IGSF22: variants seen among roughly 807,000 people sequenced by gnomAD.
IGSF22 encodes immunoglobulin superfamily, member 22.
A neutral mutation model predicts 127.0 loss-of-function variants in IGSF22; 119 were observed. That is an observed-to-expected ratio of 0.94 (90% CI 0.81 to 1.09). The LOEUF is 1.09. IGSF22 is among the 50% of genes least tolerant of loss of function. The pLI is 0.00. For synonymous variants in IGSF22, 568 were observed against 664.7 expected, an observed-to-expected ratio of 0.85 and a Z score of 2.24; for missense variants, 1,518 against 1,716.6, an observed-to-expected ratio of 0.88 and a Z score of 2.04.
chr11:18,723,168 T>G (rs1439408276), intron 2 of IGSF22, among the ~76,000 whole-genome samples: 3 of 152,236 alleles, frequency 2.0e-5, no homozygotes, highest in South Asian at 2.1e-4. Flanking sequence ...TCTACAGCTT[T>G]GGCTGCACAT....
At chr11:18,720,744 C>T (rs1023538819) in intron 4 of IGSF22, among the ~76,000 whole-genome samples, 2 of 152,196 alleles carry the variant, frequency 1.3e-5, no homozygotes, top group African/African-American at 4.8e-5. Flanking sequence ...GAAGCCAAGG[C>T]TCTCAGAAAG....
chr11:18,709,814 C>T lies in IGSF22; in HGVS notation c.2702-131G>A. 5.8e-6 allele frequency: 5 copies of T among 859,954 alleles called. No individual in the cohort carries two copies. The highest frequency in any genetic ancestry group is 2.5e-4 in the Middle Eastern group (1 of 4,042). The allele number at this position is 859,954 out of a possible 1,614,324, so 53.3% of individuals were successfully genotyped here. The stretch of plus-strand genomic sequence containing the variant: ...AGCTCCAGATCCCTCAGTTAACACC[C>T]TTAGTACCTAGCCTTATACACTCAA... On this transcript the variant is annotated intron_variant, in intron 17 of 22. Coordinates refer to ENST00000513874, the MANE Select transcript of IGSF22 (RefSeq NM_173588.4). The surrounding 1 kb of genome is among the most constrained non-coding windows in gnomAD (Gnocchi z 4.8).
rs537615289 is a variant in IGSF22, at chr11:18,708,249, C to T, written c.3045G>A (p.Val1015=). 3.4e-5 allele frequency: 53 copies of T among 1,549,168 alleles called. No homozygotes were observed. In the African/African-American group the frequency reaches 7.0e-4, roughly 20 times the overall value. The change falls in exon 19 of 23, where the codon GTG becomes GTA. Residue 1015 remains valine (V), a synonymous_variant. Coordinates refer to ENST00000513874, the MANE Select transcript of IGSF22 (RefSeq NM_173588.4). ...TGCAGAGGGCTGTCCCAGCGCGAAC[C>T]ACCATGTGACTCTTCAGCCGGGCAC... ...DLSARLKSHM[V]VRAGTALCIH... is the part of the protein sequence containing the mutation.
intron 14 of IGSF22, 148 bp from the exon 15 acceptor site, chr11:18,712,532 T>C (rs1029099866): frequency 1.4e-6 from 1 of 706,264 alleles, no homozygotes; most frequent in Non-Finnish European, 2.3e-6. Context: ...CCACCATCCC[T>C]CCTTCTAAGA....
At position 18,704,398 on chromosome 11, in the gene IGSF22, G is replaced by A; in HGVS notation, c.*70C>T. 2.0e-6 allele frequency: 2 copies of A among 1,004,034 alleles called. No homozygotes were observed. Among genetic ancestry groups the A allele is most frequent in the Non-Finnish European group, 3.1e-6 (2 of 649,342 alleles). 62.2% of individuals were successfully genotyped at this position (1,004,034 alleles called of 1,614,324 possible). A position where few individuals can be genotyped will look rare whatever the true frequency, so the allele number is the denominator to read the frequency against. ...AGAGCAAACTGGGCTTCCTACACTG[G>A]GCCATGCAGAGGACAGGCCAAGAAA... On this transcript the variant is annotated 3_prime_UTR_variant, in exon 23 of 23. Transcript: ENST00000513874.
At position 18,715,424 on chromosome 11, in the gene IGSF22, G is replaced by A; in HGVS notation, c.1531+8C>T. The A allele has an allele frequency of 6.2e-7, 1 of 1,603,462 alleles. No individual in the cohort carries two copies. ...TTGGTCAGTGGGGATTGATAGGGCG[G>A]GTGTTACCCTCCACAGTGACGATGG... is the stretch of plus-strand genomic sequence containing the variant. On this transcript the variant is annotated splice_region_variant and intron_variant, in intron 11 of 22. Coordinates refer to ENST00000513874, the MANE Select transcript of IGSF22 (RefSeq NM_173588.4).
chr11:18,710,781 C>A lies in IGSF22; in HGVS notation c.2446G>T (p.Glu816Ter), dbSNP rs756029624. Residue 816 changes from glutamate to a stop codon, truncating the protein, a stop_gained, in exon 16 of 23, where the codon GAA becomes TAA. Transcript: ENST00000513874. LOFTEE classifies it high-confidence loss of function. ...SQPQVTDVTKEAVTITWNAPT... is the reference protein window; with the variant it reads ...SQPQVTDVTK Reference sequence around the variant, plus strand: ...GCATTCCACGTGATGGTCACGGCTTCTTTAGTCACATCAGTCACTTGAGGC... The same window carrying A: ...GCATTCCACGTGATGGTCACGGCTTATTTAGTCACATCAGTCACTTGAGGC... 2 of 1,614,082 alleles carry A rather than the reference C, an allele frequency of 1.2e-6. No homozygotes were observed. The highest frequency in any genetic ancestry group is 2.2e-5 in the East Asian group (1 of 44,884).
At chr11:18,722,395 A>C (rs2134169801) in intron 2 of IGSF22, among the ~76,000 whole-genome samples, 1 of 152,146 alleles carries the variant, frequency 6.6e-6, no homozygotes, top group South Asian at 2.1e-4. Context: ...AGTAGCATTA[A>C]GAGGGGCTAG....
rs376980880 is a variant in IGSF22, at chr11:18,710,833, G to C, written c.2399-5C>G. The C allele has an allele frequency of 4.8e-5, 77 of 1,610,474 alleles. No homozygotes were observed. The highest frequency in any genetic ancestry group is 6.3e-5 in the Non-Finnish European group (74 of 1,176,880). On this transcript the variant is annotated splice_polypyrimidine_tract_variant and splice_region_variant and intron_variant, in intron 15 of 22. Coordinates refer to ENST00000513874, the MANE Select transcript of IGSF22 (RefSeq NM_173588.4). ...GGGAGGCAAAACCAGGAGGCTCTGT[G>C]GGGGAAAGAGAGAGTGCAAAGGTTA...
chr11:18,709,814 C>A lies in IGSF22; in HGVS notation c.2702-131G>T. 2.3e-6 allele frequency: 2 copies of A among 859,954 alleles called. No individual in the cohort carries two copies. Among genetic ancestry groups the A allele is most frequent in the Non-Finnish European group, 3.5e-6 (2 of 564,656 alleles). The allele number at this position is 859,954 out of a possible 1,614,324, so 53.3% of individuals were successfully genotyped here. On this transcript the variant is annotated intron_variant, in intron 17 of 22. Coordinates refer to ENST00000513874, the MANE Select transcript of IGSF22 (RefSeq NM_173588.4). The surrounding 1 kb of genome is among the most constrained non-coding windows in gnomAD (Gnocchi z 4.8). The stretch of plus-strand genomic sequence containing the variant: ...AGCTCCAGATCCCTCAGTTAACACC[C>A]TTAGTACCTAGCCTTATACACTCAA...
At chr11:18,707,720 G>T in intron 20 of IGSF22, 84 bp downstream of exon 20, 2 of 1,157,230 alleles carry the variant, frequency 1.7e-6, no homozygotes, top group Non-Finnish European at 2.5e-6. Flanking sequence ...CTTTCCTGTG[G>T]TAGGAACTCA....
In IGSF22 at chr11:18,713,917, A is replaced by T. The variant is rs1453612587; in HGVS notation, c.2030T>A (p.Leu677His). 5 of 1,614,136 alleles carry T rather than the reference A, an allele frequency of 3.1e-6. No homozygotes were observed. The Admixed American group carries it at 8.3e-5, about 27-fold the overall frequency. ...ISNCVREDSG[L>H]ILLKLKNDHG... The stretch of plus-strand genomic sequence containing the variant: ...GTCATTCTTGAGCTTGAGCAGGATG[A>T]GGCCGCTGTCTTCACGCACACAGTT... Residue 677 changes from leucine to histidine, a missense_variant, in exon 14 of 23, where the codon CTC becomes CAC. By Grantham distance (99) the Leu-to-His change is moderately conservative (BLOSUM62 -3). This residue lies in a region of IGSF22 where 1,456 missense variants were observed against 1,644.9 expected (regional missense o/e 0.89). Coordinates refer to ENST00000513874, the MANE Select transcript of IGSF22 (RefSeq NM_173588.4).
intron 15 of IGSF22, among the ~76,000 whole-genome samples, chr11:18,711,473 T>C (rs999802679): frequency 3.9e-5 from 6 of 152,098 alleles, no homozygotes; most frequent in African/African-American, 1.4e-4. Flanking sequence ...TCTCGGCTCA[T>C]TGCAACCTCT....
Position 18,718,062 on chromosome 11 carries a change from A to G in IGSF22, c.842T>C (p.Leu281Pro). The G allele has an allele frequency of 6.2e-7, 1 of 1,614,224 alleles. No homozygotes were observed. Among genetic ancestry groups the G allele is most frequent in the Non-Finnish European group, 8.5e-7 (1 of 1,180,036 alleles). The part of the protein sequence containing the change: ...GTEPLRIQYS[L>P]GKYDVKQMGT... ...CATCTGCTTCACATCGTACTTGCCCAGGGAGTACTGGATCCTCAGTGGCTC... is the reference window on the plus strand; with the variant it reads ...CATCTGCTTCACATCGTACTTGCCCGGGGAGTACTGGATCCTCAGTGGCTC... The change falls in exon 9 of 23, where the codon CTG (leucine) becomes CCG (proline). Residue 281 changes from leucine to proline, a missense_variant. Physicochemically the swap from Leu to Pro is moderately conservative, Grantham distance 98. Coordinates refer to ENST00000513874, the MANE Select transcript of IGSF22 (RefSeq NM_173588.4).
chr11:18,710,839 A>C lies in IGSF22; in HGVS notation c.2399-11T>G, dbSNP rs56412752. The C allele has an allele frequency of 0.27, 441,774 of 1,607,088 alleles. 63,063 individuals are homozygous for C. The highest frequency in any genetic ancestry group is 0.44 in the Middle Eastern group (2,661 of 6,036). On this transcript the variant is annotated splice_polypyrimidine_tract_variant and intron_variant, in intron 15 of 22. Coordinates refer to ENST00000513874, the MANE Select transcript of IGSF22 (RefSeq NM_173588.4). ...CAAAACCAGGAGGCTCTGTGGGGGAAAGAGAGAGTGCAAAGGTTAGGAGGG... is the reference window on the plus strand; with the variant it reads ...CAAAACCAGGAGGCTCTGTGGGGGACAGAGAGAGTGCAAAGGTTAGGAGGG...
intron 9 of IGSF22, 94 bp downstream of exon 9, chr11:18,717,837 C>T (rs1848489522): frequency 7.3e-7 from 1 of 1,376,574 alleles, no homozygotes; most frequent in Non-Finnish European, 1.0e-6. Flanking sequence ...TCCCATAGTC[C>T]TCTCTTCAAT....
chr11:18,718,705 C>T lies in IGSF22; in HGVS notation c.720G>A (p.Leu240=), dbSNP rs1848508772. The T allele has an allele frequency of 6.2e-7, 1 of 1,611,792 alleles. No individual in the cohort carries two copies. The highest frequency in any genetic ancestry group is 1.3e-5 in the African/African-American group (1 of 74,962). Residue 240 remains leucine (L), a synonymous_variant, in exon 8 of 23, where the codon CTG becomes CTA. Transcript: ENST00000513874. The stretch of plus-strand genomic sequence containing the variant: ...TGTCAACCTTGGTCTCTTTGTCTTC[C>T]AGGGGCTTCAGAATCCGGATGGCCT... ...EVEAIRILKP[L]EDKETKVDTT...
intron 2 of IGSF22, among the ~76,000 whole-genome samples, chr11:18,722,796 C>T (rs1261390165): frequency 6.6e-6 from 1 of 152,112 alleles, no homozygotes; most frequent in East Asian, 1.9e-4. Context: ...GAAGTAGGTG[C>T]CTTTATTATC....
At chr11:18,724,633 C>T (rs945869649) in intron 1 of IGSF22, among the ~76,000 whole-genome samples, 2 of 152,122 alleles carry the variant, frequency 1.3e-5, no homozygotes, top group Admixed American at 6.5e-5. Flanking sequence ...GCAGTCAGAC[C>T]TAAGAAAGAA....
Sources: allele counts gnomAD v4.1 joint callset (sites outside exome capture counted in the v4.1 genomes callset), GRCh38; gene constraint gnomAD v4.1.1; regional missense constraint gnomAD v4.1.1; non-coding constraint Gnocchi (gnomAD v3.1); transcripts MANE v1.5; gene names NCBI Gene and HGNC (gene_info 2026-07-23, HGNC 2026-07-21).